Variants in RHCE observed in about 807,000 individuals in gnomAD.
RHCE encodes blood group Rh(CE) polypeptide.
In RHCE, 22 loss-of-function variants were observed where a neutral mutation model predicts 43.8. That is an observed-to-expected ratio of 0.50 (90% CI 0.36 to 0.72). The LOEUF (loss-of-function observed/expected upper bound fraction) is 0.72, where lower values mean the gene tolerates loss of function less well. RHCE is among the 30% of genes least tolerant of loss of function. The pLI is 0.00. For synonymous variants in RHCE, 156 were observed against 210.7 expected, an observed-to-expected ratio of 0.74 and a Z score of 2.25; for missense variants, 385 against 525.4, an observed-to-expected ratio of 0.73 and a Z score of 2.61.
At chr1:25,410,087 G>C (rs376117047) in intron 1 of RHCE, among the ~76,000 whole-genome samples, 1 of 151,994 alleles carries the variant, frequency 6.6e-6, no homozygotes, top group East Asian at 1.9e-4. Context: ...AATAGAGAAG[G>C]GGTTTCACTA....
chr1:25,369,864 G>A (rs1645554050), intron 9 of RHCE, among the ~76,000 whole-genome samples: 1 of 148,114 alleles, frequency 6.8e-6, no homozygotes, highest in Non-Finnish European at 1.5e-5. Flanking sequence ...TCAGCCTCCT[G>A]AGTAACTGGG....
intron 1 of RHCE, among the ~76,000 whole-genome samples, chr1:25,418,595 G>T (rs1335053514): frequency 6.6e-6 from 1 of 152,184 alleles, no homozygotes. Context: ...CAGCTACCTC[G>T]CCCAGCCCCT....
intron 3 of RHCE, among the ~76,000 whole-genome samples, chr1:25,402,077 A>G (rs1290659650): frequency 6.6e-6 from 1 of 151,884 alleles, no homozygotes; most frequent in Admixed American, 6.6e-5. Context: ...AGGTTCCCCC[A>G]TGTTGACCAG....
chr1:25,430,107 G>GCGGACTCGGCGCCCGCGGGGCCCA (rs2042840211), exon 1 of RHCE: 1 of 151,854 alleles, frequency 6.6e-6, no homozygotes, highest in Non-Finnish European at 1.5e-5. Context: ...CGCGGGTCCT[G>GCGGACTCGGCGCCCGCGGGGCCCA]CGGACTCGGC....
intron 6 of RHCE, among the ~76,000 whole-genome samples, chr1:25,386,342 A>C (rs1480744625): frequency 6.6e-6 from 1 of 152,196 alleles, no homozygotes; most frequent in African/African-American, 2.4e-5. Context: ...CCCAAATTTA[A>C]GCACCATCCC....
intron 1 of RHCE, among the ~76,000 whole-genome samples, chr1:25,412,583 G>A (rs1253855185): frequency 2.0e-5 from 3 of 152,002 alleles, no homozygotes; most frequent in East Asian, 3.9e-4. Flanking sequence ...GTGGTGGCAA[G>A]TGCCTGTAGT....
intron 8 of RHCE, among the ~76,000 whole-genome samples, chr1:25,374,331 G>GT (rs1645720357): frequency 6.6e-6 from 1 of 151,878 alleles, no homozygotes; most frequent in Non-Finnish European, 1.5e-5. Flanking sequence ...CAGATGATCT[G>GT]CCCACTTCGG....
intron 1 of RHCE, among the ~76,000 whole-genome samples, chr1:25,412,876 T>C (rs1297376170): frequency 6.6e-6 from 1 of 151,694 alleles, no homozygotes; most frequent in Non-Finnish European, 1.5e-5. Context: ...AATACAAAAT[T>C]AGCCTGGCAT....
chr1:25,392,411 G>A (rs931704566), intron 3 of RHCE, among the ~76,000 whole-genome samples: 4 of 151,948 alleles, frequency 2.6e-5, no homozygotes, highest in Admixed American at 6.6e-5. Context: ...ACAGGCATGC[G>A]CCACTACGCT....
intron 1 of RHCE, among the ~76,000 whole-genome samples, chr1:25,410,449 C>G (rs76902567): frequency 7.0e-6 from 1 of 142,060 alleles, no homozygotes; most frequent in Non-Finnish European, 1.5e-5. Flanking sequence ...TTTTTTTTTT[C>G]GAGACAGAGT....
intron 1 of RHCE, among the ~76,000 whole-genome samples, chr1:25,418,976 C>G (rs1209790001): frequency 6.6e-6 from 1 of 152,196 alleles, no homozygotes; most frequent in Non-Finnish European, 1.5e-5. Context: ...ACAAATGACT[C>G]AACGCCACTG....
rs151106139 is a variant in RHCE, at chr1:25,397,111, C to CAA, written c.487-4972_487-4971dup. ...TGGGTGATGGAGCAAGACTCTGTCT[C>CAA]AAAAAAAAAAAAAAAAAAAAAAGAA... On this transcript the variant is annotated intron_variant, in intron 3 of 9. Transcript: ENST00000294413. 9.3e-3 allele frequency among the ~76,000 whole-genome samples: 534 copies of CAA among 57,252 alleles called. 10 individuals carry two copies. The highest frequency in any genetic ancestry group is 0.012 in the African/African-American group (138 of 11,828). The allele number at this position is 57,252 out of a possible 152,430, so 37.6% of individuals were successfully genotyped here. A position where few individuals can be genotyped will look rare whatever the true frequency, so the allele number is the denominator to read the frequency against.
chr1:25,419,959 C>T (rs935065136), intron 1 of RHCE, among the ~76,000 whole-genome samples: 5 of 146,086 alleles, frequency 3.4e-5, no homozygotes, highest in African/African-American at 5.3e-5. Context: ...TGGAGGATCG[C>T]TTGTGTCCAG....
At chr1:25,411,364 T>C (rs779282037) in intron 1 of RHCE, 46 of 1,550,446 alleles carry the variant, frequency 3.0e-5, no homozygotes, top group Middle Eastern at 3.3e-4. Context: ...CAGCCCTGGC[T>C]TTGATAACAA....
At chr1:25,409,927 A>G (rs1229427503) in intron 1 of RHCE, among the ~76,000 whole-genome samples, 1 of 150,048 alleles carries the variant, frequency 6.7e-6, no homozygotes, top group Non-Finnish European at 1.5e-5. Context: ...ATAGAGTTTC[A>G]CTCTTGTCAC....
At chr1:25,382,275 T>C (rs1646025034) in intron 7 of RHCE, among the ~76,000 whole-genome samples, 1 of 148,732 alleles carries the variant, frequency 6.7e-6, no homozygotes, top group Admixed American at 6.6e-5. Flanking sequence ...ACATATATAA[T>C]GTACAAAAAC....
At chr1:25,397,826 TCA>T (rs1253471400) in intron 3 of RHCE, among the ~76,000 whole-genome samples, 4 of 146,694 alleles carry the variant, frequency 2.7e-5, no homozygotes, top group African/African-American at 7.5e-5. Flanking sequence ...CTCCGAAGCC[TCA>T]GTTTCAAGCA....
intron 2 of RHCE, among the ~76,000 whole-genome samples, chr1:25,426,756 C>T (rs942489931): frequency 1.3e-5 from 2 of 152,166 alleles, no homozygotes; most frequent in African/African-American, 4.8e-5. Flanking sequence ...CAGTGAACAT[C>T]TTCCATTAAC....
chr1:25,414,126 T>C (rs971310926), intron 1 of RHCE, among the ~76,000 whole-genome samples: 2 of 151,896 alleles, frequency 1.3e-5, no homozygotes, highest in African/African-American at 4.8e-5. Flanking sequence ...TGCCGGCCGC[T>C]GATTAGCGGT....
Sources: gnomAD v4.1 joint callset for allele counts (sites outside exome capture counted in the v4.1 genomes callset) on GRCh38, gnomAD v4.1.1 for gene constraint, MANE v1.5 for transcripts, NCBI Gene and HGNC (gene_info 2026-07-23, HGNC 2026-07-21) for gene names.